Variants in TRAPPC9 observed in about 807,000 individuals in gnomAD.
TRAPPC9 encodes IKK2 binding protein.
TRAPPC9 carries 83 observed loss-of-function variants against 124.0 expected under a neutral mutation model. The ratio of observed to expected loss-of-function variants is 0.67; its 90% CI spans 0.56 to 0.80. The LOEUF (loss-of-function observed/expected upper bound fraction) is 0.80. TRAPPC9 is among the 30% of genes least tolerant of loss of function. TRAPPC9 has a pLI of 0.00. For synonymous variants in TRAPPC9, 638 were observed against 617.5 expected, an observed-to-expected ratio of 1.03 and a Z score of -0.49; for missense variants, 1,302 against 1,508.3, an observed-to-expected ratio of 0.86 and a Z score of 2.27.
At chr8:140,197,153 AG>A (rs1210305971) in intron 17 of TRAPPC9, among the ~76,000 whole-genome samples, 1 of 152,216 alleles carries the variant, frequency 6.6e-6, no homozygotes, top group Non-Finnish European at 1.5e-5. Flanking sequence ...TAGGAAGAAA[AG>A]AGGAGGAGAA....
intron 21 of TRAPPC9, among the ~76,000 whole-genome samples, chr8:139,808,197 G>T (rs185063926): frequency 2.0e-5 from 3 of 152,178 alleles, no homozygotes; most frequent in East Asian, 1.9e-4. Flanking sequence ...AGTGGCTCAC[G>T]CCTATAATCC....
intron 17 of TRAPPC9, among the ~76,000 whole-genome samples, chr8:140,090,385 G>A (rs2130163434): frequency 6.6e-6 from 1 of 152,306 alleles, no homozygotes. Context: ...AGGGCTGAGA[G>A]AACTCAGCTC....
chr8:140,211,445 G>T (rs1207347844), intron 17 of TRAPPC9, among the ~76,000 whole-genome samples: 2 of 152,128 alleles, frequency 1.3e-5, no homozygotes, highest in East Asian at 3.8e-4. Flanking sequence ...TGTAGTCCCA[G>T]CTACTTGAGT....
At chr8:140,205,923 C>T (rs945845564) in intron 17 of TRAPPC9, among the ~76,000 whole-genome samples, 2 of 152,216 alleles carry the variant, frequency 1.3e-5, no homozygotes, top group Admixed American at 6.5e-5. Flanking sequence ...CTGGCCCACC[C>T]CCTCATCCTC....
intron 17 of TRAPPC9, among the ~76,000 whole-genome samples, chr8:140,037,617 T>C (rs1161535407): frequency 1.4e-5 from 2 of 145,042 alleles, no homozygotes; most frequent in Non-Finnish European, 3.0e-5. Context: ...CACACACATA[T>C]ACAGACACAT....
rs562001264 is a variant in TRAPPC9, at chr8:139,963,293, G to A, written c.2810+25433C>T. Among the ~76,000 whole-genome samples, 5 of 152,210 alleles carry A rather than the reference G, an allele frequency of 3.3e-5. No homozygotes were observed. The East Asian group carries it at 7.7e-4, about 24-fold the overall frequency. ...ATGGCTAACAGGCTAACAATGCTGC[G>A]TCTGCCTCCTTCTAAGCCCGGGCTA... is the stretch of plus-strand genomic sequence containing the variant. On this transcript the variant is annotated intron_variant, in intron 19 of 22. Coordinates refer to ENST00000438773, the MANE Select transcript of TRAPPC9 (RefSeq NM_001160372.4).
At chr8:139,941,564 CAGAG>C (rs1833925331) in intron 19 of TRAPPC9, among the ~76,000 whole-genome samples, 1 of 152,208 alleles carries the variant, frequency 6.6e-6, no homozygotes, top group Admixed American at 6.5e-5. Context: ...TTAACAAAGG[CAGAG>C]AGAGACTGTG....
intron 17 of TRAPPC9, among the ~76,000 whole-genome samples, chr8:140,221,004 G>A (rs1372324193): frequency 1.3e-5 from 2 of 152,190 alleles, no homozygotes; most frequent in African/African-American, 4.8e-5. Flanking sequence ...TGGCCTACAA[G>A]CCCGCGGCAC....
rs1318894126 is a variant in TRAPPC9 at position 140,216,104 on chromosome 8, G to C, written c.2556+5355C>G. ...CAGTGTAACTGACAGAGACCAAAGT[G>C]GGTAACTTGGAGAGTGTGACATCAC... On this transcript the variant is annotated intron_variant, in intron 17 of 22. Coordinates refer to ENST00000438773, the MANE Select transcript of TRAPPC9 (RefSeq NM_001160372.4). The surrounding 1 kb of genome is among the most constrained non-coding windows in gnomAD (Gnocchi z 4.1). 1 of 152,204 alleles carries C rather than the reference G, an allele frequency of 6.6e-6. No homozygotes were observed. The highest frequency in any genetic ancestry group is 1.9e-4 in the East Asian group (1 of 5,200). 9.4% of individuals were successfully genotyped at this position (152,204 alleles called of 1,614,324 possible).
intron 21 of TRAPPC9, among the ~76,000 whole-genome samples, chr8:139,847,754 C>G (rs113924440): frequency 6.6e-6 from 1 of 150,980 alleles, no homozygotes; most frequent in Non-Finnish European, 1.5e-5. Context: ...CAGATGGGCA[C>G]GAGCACCTGC....
At chr8:140,246,778 A>G (rs1407632407) in intron 16 of TRAPPC9, among the ~76,000 whole-genome samples, 1 of 152,132 alleles carries the variant, frequency 6.6e-6, no homozygotes, top group African/African-American at 2.4e-5. Context: ...TGAGGTCAGG[A>G]GTTTGAGACC....
chr8:140,134,551 G>A (rs538350824), intron 17 of TRAPPC9, among the ~76,000 whole-genome samples: 2 of 15,430 alleles, frequency 1.3e-4, no homozygotes, highest in South Asian at 3.4e-3. Flanking sequence ...TGGTTGGCCA[G>A]CCAATCGATT....
intron 20 of TRAPPC9, among the ~76,000 whole-genome samples, chr8:139,903,985 G>A (rs904849327): frequency 2.6e-5 from 4 of 152,138 alleles, no homozygotes; most frequent in African/African-American, 9.7e-5. Flanking sequence ...ACTCCAGCCT[G>A]GGTGCCAAGA....
chr8:139,815,207 G>A (rs775280938), intron 21 of TRAPPC9, among the ~76,000 whole-genome samples: 5 of 152,106 alleles, frequency 3.3e-5, no homozygotes, highest in Admixed American at 6.5e-5. Flanking sequence ...CCTTCAGTCC[G>A]GAGAAGCTCC....
chr8:139,889,406 C>T (rs576009260), intron 20 of TRAPPC9, among the ~76,000 whole-genome samples: 5 of 152,170 alleles, frequency 3.3e-5, no homozygotes, highest in Non-Finnish European at 4.4e-5. Flanking sequence ...TTTCTAACCT[C>T]ACTTGGGGCC....
chr8:140,230,793 A>C (rs2063573341), intron 16 of TRAPPC9, among the ~76,000 whole-genome samples: 1 of 152,152 alleles, frequency 6.6e-6, no homozygotes, highest in African/African-American at 2.4e-5. Context: ...AAAGAAAAAA[A>C]AAGTGGATGA....
At chr8:140,427,660 A>G (rs1452855946) in intron 4 of TRAPPC9, among the ~76,000 whole-genome samples, 1 of 152,032 alleles carries the variant, frequency 6.6e-6, no homozygotes, top group Non-Finnish European at 1.5e-5. Flanking sequence ...ATCATTAGCT[A>G]TTTTCATTTT....
chr8:140,103,395 G>C (rs982015122), intron 17 of TRAPPC9, among the ~76,000 whole-genome samples: 1 of 152,136 alleles, frequency 6.6e-6, no homozygotes, highest in African/African-American at 2.4e-5. Context: ...CTCATCAGGG[G>C]CAATTCTGTC....
intron 9 of TRAPPC9, among the ~76,000 whole-genome samples, chr8:140,328,786 G>T (rs554538251): frequency 1.1e-4 from 17 of 152,200 alleles, no homozygotes; most frequent in African/African-American, 3.9e-4. Context: ...GACCAAGGAG[G>T]CCACAGTCTA....
Sources: gnomAD v4.1 joint callset for allele counts (sites outside exome capture counted in the v4.1 genomes callset) on GRCh38, gnomAD v4.1.1 for gene constraint, Gnocchi (gnomAD v3.1) non-coding constraint, MANE v1.5 for transcripts, NCBI Gene and HGNC (gene_info 2026-07-23, HGNC 2026-07-21) for gene names.